SMAD2: variants seen among roughly 807,000 people sequenced by gnomAD.
SMAD2 encodes MAD homolog 2.
A neutral mutation model predicts 64.4 loss-of-function variants in SMAD2; 8 were observed. The ratio of observed to expected loss-of-function variants is 0.12; its 90% CI spans 0.07 to 0.22. The LOEUF is 0.22. Ranked by LOEUF, SMAD2 falls within the 10% of genes least tolerant of loss-of-function variation. The pLI is 1.00. For synonymous variants in SMAD2, 203 were observed against 195.8 expected (o/e 1.04, Z -0.31); for missense variants, 289 against 561.2 (o/e 0.51, Z 4.90).
intron 7 of SMAD2, among the ~76,000 whole-genome samples, chr18:47,850,954 T>C (rs1026368802): frequency 7.2e-6 from 1 of 138,694 alleles, no homozygotes; most frequent in South Asian, 2.2e-4. Flanking sequence ...ACATACCTTT[T>C]ATTAATTACA....
rs867643612 is a variant in SMAD2 at position 47,850,372 on chromosome 18, A to G, written c.784+902T>C. 5.4e-3 allele frequency among the ~76,000 whole-genome samples: 140 copies of G among 25,712 alleles called. 33 individuals carry two copies. The highest frequency in any genetic ancestry group is 8.0e-3 in the Admixed American group (9 of 1,124). 16.9% of individuals were successfully genotyped at this position (25,712 alleles called of 152,430 possible). A position where few individuals can be genotyped will look rare whatever the true frequency, so the allele number is the denominator to read the frequency against. On this transcript the variant is annotated intron_variant, in intron 7 of 10. Coordinates refer to ENST00000262160, the MANE Select transcript of SMAD2 (RefSeq NM_005901.6). ...ATTATACATAATATGTATAATATAT[A>G]TTATATATATTATATAATATATATT...
intron 2 of SMAD2, among the ~76,000 whole-genome samples, chr18:47,891,848 C>T (rs1281321153): frequency 1.3e-5 from 2 of 151,954 alleles, no homozygotes; most frequent in Admixed American, 6.6e-5. Flanking sequence ...CCCAAAAGTC[C>T]TATTTAAACA....
At position 47,830,838 on chromosome 18, in the gene SMAD2, C is replaced by T. The variant is rs944400223; in HGVS notation, c.*10989G>A. 1.9e-5 allele frequency: 3 copies of T among 156,634 alleles called. No homozygotes were observed. The highest frequency in any genetic ancestry group is 7.2e-5 in the African/African-American group (3 of 41,586). The allele number at this position is 156,634 out of a possible 1,614,324, so 9.7% of individuals were successfully genotyped here. On this transcript the variant is annotated 3_prime_UTR_variant, in exon 11 of 11. Transcript: ENST00000262160. ...ATCGCTGTTGGGCAGTGGTTAAGGCCTCTGATTTGCTACTTATTAGAAAAA... is the reference window on the plus strand; with the variant it reads ...ATCGCTGTTGGGCAGTGGTTAAGGCTTCTGATTTGCTACTTATTAGAAAAA...
intron 2 of SMAD2, among the ~76,000 whole-genome samples, chr18:47,871,281 A>G (rs1221822307): frequency 6.6e-6 from 1 of 152,186 alleles, no homozygotes; most frequent in African/African-American, 2.4e-5. Flanking sequence ...TTGACAGCCA[A>G]TGTCTCAAGT....
At chr18:47,930,736 C>G (rs907129626), upstream of SMAD2, 185 of 147,782 alleles carry the variant, frequency 1.3e-3, no homozygotes, top group African/African-American at 4.2e-3. Context: ...CCCTCCCCCG[C>G]CAGCCCACCT....
chr18:47,845,610 G>C (rs1247418243), intron 9 of SMAD2, 53 bp downstream of exon 9: 1 of 1,606,300 alleles, frequency 6.2e-7, no homozygotes, highest in East Asian at 2.2e-5. Context: ...TTAGCAACAA[G>C]AAAAACTAAG....
At chr18:47,894,377 A>C (rs1439720948) in intron 2 of SMAD2, among the ~76,000 whole-genome samples, 1 of 152,204 alleles carries the variant, frequency 6.6e-6, no homozygotes, top group Non-Finnish European at 1.5e-5. Context: ...TACGGCACTT[A>C]AACGGCCCCA....
rs2033536821 is a variant in SMAD2 at position 47,898,434 on chromosome 18, T to C, written c.-53-1625A>G. ...TTTTGTGTATGTGTGTACAAAAAAC[T>C]GGATAAAACATTTTTAAAGGAAAAA... On this transcript the variant is annotated intron_variant, in intron 1 of 10. Transcript: ENST00000262160. 2.0e-5 allele frequency among the ~76,000 whole-genome samples: 3 copies of C among 152,324 alleles called. No individual in the cohort carries two copies. The South Asian group carries it at 6.2e-4, about 32-fold the overall frequency.
intron 2 of SMAD2, among the ~76,000 whole-genome samples, chr18:47,891,517 C>CTTT (rs5824713): frequency 1.4e-5 from 2 of 146,128 alleles, no homozygotes. Context: ...TTTTAAGTAA[C>CTTT]TTTTTTTTTT....
chr18:47,854,052 A>G (rs2030419273), intron 6 of SMAD2, among the ~76,000 whole-genome samples: 2 of 151,630 alleles, frequency 1.3e-5, no homozygotes, highest in African/African-American at 4.9e-5. Context: ...ACAAATTTTA[A>G]AAACTTAAAA....
intron 1 of SMAD2, among the ~76,000 whole-genome samples, chr18:47,929,759 T>G (rs1168575049): frequency 6.6e-6 from 1 of 152,138 alleles, no homozygotes; most frequent in Non-Finnish European, 1.5e-5. Flanking sequence ...AATATCCCCC[T>G]CCAAGAGAAC....
intron 2 of SMAD2, among the ~76,000 whole-genome samples, chr18:47,889,508 A>C (rs1212791906): frequency 6.6e-6 from 1 of 152,150 alleles, no homozygotes; most frequent in East Asian, 1.9e-4. Flanking sequence ...GCGGTGGCTC[A>C]CACCTGTAAT....
rs1236050556 is a variant in SMAD2 at position 47,837,672 on chromosome 18, GAATAT to G, written c.*4150_*4154del. On this transcript the variant is annotated 3_prime_UTR_variant, in exon 11 of 11. Coordinates refer to ENST00000262160, the MANE Select transcript of SMAD2 (RefSeq NM_005901.6). ...AAAGGAAGAATAAAATTCAGGCAATGAATATAATAGATTTAGCAAAGTAAAGCATA... is the reference window on the plus strand; with the variant it reads ...AAAGGAAGAATAAAATTCAGGCAATGAATAGATTTAGCAAAGTAAAGCATA... 4.3e-6 allele frequency: 1 copy of G among 231,076 alleles called. No homozygotes were observed. The highest frequency in any genetic ancestry group is 2.2e-5 in the African/African-American group (1 of 45,160). 14.3% of individuals were successfully genotyped at this position (231,076 alleles called of 1,614,324 possible). A position where few individuals can be genotyped will look rare whatever the true frequency, so the allele number is the denominator to read the frequency against.
chr18:47,924,460 T>C (rs1048565760), intron 1 of SMAD2, among the ~76,000 whole-genome samples: 2 of 149,976 alleles, frequency 1.3e-5, no homozygotes, highest in African/African-American at 2.5e-5. Context: ...CACATTTTCT[T>C]TTTTTTCTTT....
In SMAD2 at chr18:47,829,035, C is replaced by G. The variant is rs996167832; in HGVS notation, c.*12792G>C. The G allele has an allele frequency of 1.4e-4, 20 of 138,756 alleles. No individual in the cohort carries two copies. Among genetic ancestry groups the G allele is most frequent in the African/African-American group, 5.0e-4 (19 of 37,986 alleles). 8.6% of individuals were successfully genotyped at this position (138,756 alleles called of 1,614,324 possible). A position where few individuals can be genotyped will look rare whatever the true frequency, so the allele number is the denominator to read the frequency against. Reference sequence around the variant, plus strand: ...GAAAAGTATCACAATTTTGGTAATACTAGGCAAGATGTAACCTCAAGTCTC... The same window carrying G: ...GAAAAGTATCACAATTTTGGTAATAGTAGGCAAGATGTAACCTCAAGTCTC... On this transcript the variant is annotated 3_prime_UTR_variant, in exon 11 of 11. Coordinates refer to ENST00000262160, the MANE Select transcript of SMAD2 (RefSeq NM_005901.6).
chr18:47,821,994 G>T lies in SMAD2; in HGVS notation c.*19833C>A, dbSNP rs1316836120. 5 of 152,182 alleles carry T rather than the reference G, an allele frequency of 3.3e-5. No homozygotes were observed. Among genetic ancestry groups the T allele is most frequent in the African/African-American group, 1.2e-4 (5 of 41,440 alleles). 9.4% of individuals were successfully genotyped at this position (152,182 alleles called of 1,614,324 possible). A position where few individuals can be genotyped will look rare whatever the true frequency, so the allele number is the denominator to read the frequency against. On this transcript the variant is annotated 3_prime_UTR_variant, in exon 11 of 11. Transcript: ENST00000262160. ...AGTTTTCCACTTGGGCCTCTGGAAA[G>T]CCTCAGAGCATGTGTATGCCATCTG...
chr18:47,880,483 TGTCA>T, intron 2 of SMAD2, among the ~76,000 whole-genome samples: 2 of 152,370 alleles, frequency 1.3e-5, no homozygotes, highest in East Asian at 3.9e-4. Context: ...TCTGTTTTTA[TGTCA>T]GTATCACACT....
At position 47,818,126 on chromosome 18, in the gene SMAD2, TAG is replaced by T. The variant is rs1333879364; in HGVS notation, c.*23699_*23700del. On this transcript the variant is annotated 3_prime_UTR_variant, in exon 11 of 11. Transcript: ENST00000262160. ...AGACTGCAGCTATAGAGTTGATATGTAGAGTCTTCTAAGCTCTCTAATTTTTT... is the reference window on the plus strand; with the variant it reads ...AGACTGCAGCTATAGAGTTGATATGTAGTCTTCTAAGCTCTCTAATTTTTT... The T allele has an allele frequency of 1.3e-5, 2 of 152,214 alleles. No individual in the cohort carries two copies. The highest frequency in any genetic ancestry group is 2.9e-5 in the Non-Finnish European group (2 of 68,046). The allele number at this position is 152,214 out of a possible 1,614,324, so 9.4% of individuals were successfully genotyped here.
chr18:47,862,645 C>T (rs566782138), intron 6 of SMAD2, among the ~76,000 whole-genome samples: 1 of 152,320 alleles, frequency 6.6e-6, no homozygotes, highest in African/African-American at 2.4e-5. Flanking sequence ...AACAAGGCCA[C>T]ATTCTGAGGT....
Sources: allele counts gnomAD v4.1 joint callset (sites outside exome capture counted in the v4.1 genomes callset), GRCh38; gene constraint gnomAD v4.1.1; transcripts MANE v1.5; gene names NCBI Gene and HGNC (gene_info 2026-07-23, HGNC 2026-07-21).